Variants in SPOCK3 observed in about 807,000 individuals in gnomAD.
The protein encoded by SPOCK3 is testican-3.
Under a neutral mutation model 56.6 loss-of-function variants are expected in SPOCK3, and 30 were observed. That is an observed-to-expected ratio of 0.53 (90% confidence interval 0.40 to 0.72). The LOEUF is 0.72. SPOCK3 is among the 30% of genes least tolerant of loss of function. The pLI, the probability that SPOCK3 is intolerant of heterozygous loss-of-function variation, is 0.00. For synonymous variants in SPOCK3, 196 were observed against 183.3 expected, an observed-to-expected ratio of 1.07 and a Z score of -0.56; for missense variants, 527 against 530.0, an observed-to-expected ratio of 0.99 and a Z score of 0.06.
chr4:166,853,749 G>C (rs762407973), intron 6 of SPOCK3, among the ~76,000 whole-genome samples: 1 of 152,108 alleles, frequency 6.6e-6, no homozygotes, highest in African/African-American at 2.4e-5. Context: ...GGGCATGGTG[G>C]CACGTGCCTG....
chr4:166,945,208 G>T (rs757435542), intron 4 of SPOCK3, among the ~76,000 whole-genome samples: 2 of 152,018 alleles, frequency 1.3e-5, no homozygotes, highest in African/African-American at 2.4e-5. Context: ...TATGAACCAG[G>T]TATACTCATT....
At chr4:167,128,983 A>G (rs536352246) in intron 2 of SPOCK3, among the ~76,000 whole-genome samples, 7 of 152,228 alleles carry the variant, frequency 4.6e-5, no homozygotes, top group Admixed American at 3.9e-4. Context: ...ATGAGAAATG[A>G]CCCTGAGAGT....
rs182462564 is a variant in SPOCK3 at position 167,160,578 on chromosome 4, C to T, written c.189+73407G>A. Among the ~76,000 whole-genome samples, 560 of 145,382 alleles carry T rather than the reference C, an allele frequency of 3.9e-3. 3 individuals are homozygous for T. Among genetic ancestry groups the T allele is most frequent in the Admixed American group, 5.7e-3 (79 of 13,920 alleles). ...TATGGAACCAAAAAAGAGCCCGCAT[C>T]GCCAAGTAATCCTAAGCCAAAAGAA... On this transcript the variant is annotated intron_variant, in intron 2 of 10. Coordinates refer to ENST00000357545, the MANE Select transcript of SPOCK3 (RefSeq NM_001040159.2).
intron 2 of SPOCK3, among the ~76,000 whole-genome samples, chr4:167,073,939 C>T (rs1756935996): frequency 6.6e-6 from 1 of 151,644 alleles, no homozygotes. Flanking sequence ...ACCCTTTGCA[C>T]TACTCAAAAA....
chr4:167,080,854 T>C (rs557221400), intron 2 of SPOCK3, among the ~76,000 whole-genome samples: 1 of 151,696 alleles, frequency 6.6e-6, no homozygotes, highest in African/African-American at 2.4e-5. Context: ...ATCTTGATGA[T>C]TCTGTCCTAT....
At chr4:167,073,243 C>A (rs7660430) in intron 2 of SPOCK3, among the ~76,000 whole-genome samples, 3,809 of 151,454 alleles carry the variant, frequency 0.025, 141 homozygotes, top group African/African-American at 0.086. Flanking sequence ...TTAATTATAT[C>A]ATCAAATATA....
chr4:166,963,650 A>G (rs1293406442), intron 4 of SPOCK3, among the ~76,000 whole-genome samples: 1 of 152,006 alleles, frequency 6.6e-6, no homozygotes, highest in Non-Finnish European at 1.5e-5. Flanking sequence ...CAATTTAAAA[A>G]AACAAATTAA....
intron 6 of SPOCK3, among the ~76,000 whole-genome samples, chr4:166,804,795 T>C (rs1477956240): frequency 6.6e-6 from 1 of 152,094 alleles, no homozygotes; most frequent in East Asian, 1.9e-4. Context: ...CCTTTGTCTC[T>C]AGCCACCCTG....
At chr4:166,743,690 A>G (rs1234058887) in intron 8 of SPOCK3, among the ~76,000 whole-genome samples, 1 of 152,178 alleles carries the variant, frequency 6.6e-6, no homozygotes, top group African/African-American at 2.4e-5. Flanking sequence ...GGGTTGGGGA[A>G]TTCCCTTTCC....
At chr4:167,221,315 C>T (rs1485159145) in intron 2 of SPOCK3, among the ~76,000 whole-genome samples, 1 of 152,076 alleles carries the variant, frequency 6.6e-6, no homozygotes, top group Non-Finnish European at 1.5e-5. Context: ...CTGCAGTGAG[C>T]TATGATGACA....
At position 166,850,075 on chromosome 4, in the gene SPOCK3, T is replaced by C. The variant is rs556140380; in HGVS notation, c.589+39055A>G. Among the ~76,000 whole-genome samples the C allele has an allele frequency of 5.9e-5, 9 of 152,342 alleles. No homozygotes were observed. In the South Asian group the frequency reaches 1.9e-3, roughly 32 times the overall value. On this transcript the variant is annotated intron_variant, in intron 6 of 10. Transcript: ENST00000357545. ...TACACATTTTTCTTTGAGACTCTGC[T>C]TTCATTTTTGCAGGGGTATATCCCA...
At chr4:166,823,361 CACAACATGAA>C (rs1745131516) in intron 6 of SPOCK3, among the ~76,000 whole-genome samples, 2 of 151,912 alleles carry the variant, frequency 1.3e-5, no homozygotes. Flanking sequence ...GTGCCTGAGT[CACAACATGAA>C]AAGTTGACTG....
intron 6 of SPOCK3, among the ~76,000 whole-genome samples, chr4:166,840,678 AT>A (rs1747143364): frequency 6.7e-6 from 1 of 150,358 alleles, no homozygotes; most frequent in Admixed American, 6.6e-5. Flanking sequence ...TTTCAGACTC[AT>A]GATTTTCAGA....
At chr4:166,771,976 T>C (rs1738985200) in intron 7 of SPOCK3, among the ~76,000 whole-genome samples, 2 of 151,962 alleles carry the variant, frequency 1.3e-5, no homozygotes, top group South Asian at 2.1e-4. Context: ...CTTGGTAAAA[T>C]TGCAATGAAG....
At chr4:166,739,792 T>A (rs1049582670) in intron 9 of SPOCK3, among the ~76,000 whole-genome samples, 1 of 151,998 alleles carries the variant, frequency 6.6e-6, no homozygotes, top group Non-Finnish European at 1.5e-5. Context: ...CAAAACTTAG[T>A]CTTGTAACCA....
chr4:167,058,958 C>T (rs972728797), intron 3 of SPOCK3, among the ~76,000 whole-genome samples: 3 of 152,076 alleles, frequency 2.0e-5, no homozygotes, highest in Non-Finnish European at 4.4e-5. Flanking sequence ...ATGTAGAAAG[C>T]TGAAACTGGA....
rs554015258 is a variant in SPOCK3, at chr4:166,880,310, C to T, written c.589+8820G>A. The stretch of plus-strand genomic sequence containing the variant: ...TATCTCTTTCAAGTCAGAATTATTC[C>T]TCAGCTTCTGGTACACTGTTCTCTC... On this transcript the variant is annotated intron_variant, in intron 6 of 10. Transcript: ENST00000357545. 9.2e-5 allele frequency among the ~76,000 whole-genome samples: 14 copies of T among 152,236 alleles called. No individual in the cohort carries two copies. The East Asian group carries it at 2.7e-3, about 29-fold the overall frequency.
At position 166,792,043 on chromosome 4, in the gene SPOCK3, G is replaced by A. The variant is rs1579239161; in HGVS notation, c.709+127C>T. On this transcript the variant is annotated intron_variant, in intron 7 of 10. Coordinates refer to ENST00000357545, the MANE Select transcript of SPOCK3 (RefSeq NM_001040159.2). The stretch of plus-strand genomic sequence containing the variant: ...TACAGGTGTGCTTGGAAGTAATAAC[G>A]TTCTGATTTTTATTCAGTATATATG... 1.1e-5 allele frequency: 12 copies of A among 1,061,332 alleles called. No individual in the cohort carries two copies. In the East Asian group the frequency reaches 2.3e-4, roughly 20 times the overall value. The allele number at this position is 1,061,332 out of a possible 1,614,324, so 65.7% of individuals were successfully genotyped here. A position where few individuals can be genotyped will look rare whatever the true frequency, so the allele number is the denominator to read the frequency against.
chr4:167,068,235 A>G (rs988614839), intron 2 of SPOCK3, among the ~76,000 whole-genome samples: 2 of 151,696 alleles, frequency 1.3e-5, no homozygotes, highest in African/African-American at 4.8e-5. Flanking sequence ...AACATCAGGG[A>G]AAAGACCAAG....
Sources: allele counts gnomAD v4.1 joint callset (sites outside exome capture counted in the v4.1 genomes callset), GRCh38; gene constraint gnomAD v4.1.1; transcripts MANE v1.5; gene names NCBI Gene and HGNC (gene_info 2026-07-23, HGNC 2026-07-21).